RTN1: variants seen among roughly 807,000 people sequenced by gnomAD.
The protein encoded by RTN1 is reticulon 1, also known as reticulon-1.
In RTN1, 25 loss-of-function variants were observed where a neutral mutation model predicts 65.5. The observed-to-expected ratio is 0.38, with a 90% CI of 0.28 to 0.53. The LOEUF (loss-of-function observed/expected upper bound fraction) is 0.53. Among genes scored for constraint, RTN1 ranks in the 20% least tolerant of loss-of-function variants. The pLI is 0.79. For missense variants in RTN1, 983 were observed against 1,025.4 expected, an observed-to-expected ratio of 0.96 and a Z score of 0.57; for synonymous variants, 471 against 447.6, an observed-to-expected ratio of 1.05 and a Z score of -0.66.
At chr14:59,713,538 G>A (rs1212013338) in intron 3 of RTN1, among the ~76,000 whole-genome samples, 1 of 152,156 alleles carries the variant, frequency 6.6e-6, no homozygotes, top group Non-Finnish European at 1.5e-5. Context: ...AACACTTACT[G>A]CTGAGAATGG....
At chr14:59,756,330 T>C (rs933587173) in intron 1 of RTN1, among the ~76,000 whole-genome samples, 1 of 152,190 alleles carries the variant, frequency 6.6e-6, no homozygotes, top group Admixed American at 6.5e-5. Context: ...TTTACTTAGA[T>C]CTTAAGAAAA....
chr14:59,795,940 A>T (rs1398909672), intron 1 of RTN1, among the ~76,000 whole-genome samples: 1 of 152,154 alleles, frequency 6.6e-6, no homozygotes, highest in Non-Finnish European at 1.5e-5. Flanking sequence ...AATAATCTAC[A>T]TTATCCAAAA....
At chr14:59,616,576 T>C (rs369141794) in intron 3 of RTN1, among the ~76,000 whole-genome samples, 4 of 152,182 alleles carry the variant, frequency 2.6e-5, no homozygotes, top group Admixed American at 1.3e-4. Context: ...GAAACTTCTA[T>C]AATGTTGATA....
chr14:59,675,252 C>T (rs1883599721), intron 3 of RTN1, among the ~76,000 whole-genome samples: 1 of 151,898 alleles, frequency 6.6e-6, no homozygotes, highest in African/African-American at 2.4e-5. Flanking sequence ...CTAAGTCACA[C>T]AAATCATGTG....
intron 3 of RTN1, among the ~76,000 whole-genome samples, chr14:59,688,652 C>T (rs988387359): frequency 2.0e-5 from 3 of 152,156 alleles, no homozygotes; most frequent in Non-Finnish European, 2.9e-5. Flanking sequence ...TTGAACTGCA[C>T]AGCCCAAGAT....
At chr14:59,848,690 G>A (rs775836090) in intron 1 of RTN1, among the ~76,000 whole-genome samples, 11 of 152,064 alleles carry the variant, frequency 7.2e-5, no homozygotes, top group Non-Finnish European at 1.5e-4. Context: ...TCCCAATATG[G>A]TATTAAGACT....
chr14:59,812,292 T>G (rs1206225245), intron 1 of RTN1, among the ~76,000 whole-genome samples: 1 of 152,134 alleles, frequency 6.6e-6, no homozygotes, highest in African/African-American at 2.4e-5. Flanking sequence ...ATTCAAAAAC[T>G]TCATAAGTGA....
chr14:59,641,756 C>G (rs1945890728), intron 3 of RTN1, among the ~76,000 whole-genome samples: 1 of 152,204 alleles, frequency 6.6e-6, no homozygotes, highest in Non-Finnish European at 1.5e-5. Flanking sequence ...AGCAAGTTTA[C>G]AAATTCTTGT....
intron 1 of RTN1, among the ~76,000 whole-genome samples, chr14:59,769,587 A>G (rs1885915224): frequency 6.6e-6 from 1 of 152,238 alleles, no homozygotes; most frequent in Non-Finnish European, 1.5e-5. Flanking sequence ...AGAAAACTGA[A>G]ATAGTCTTAT....
At chr14:59,744,177 G>A (rs1204848777) in intron 2 of RTN1, among the ~76,000 whole-genome samples, 1 of 152,066 alleles carries the variant, frequency 6.6e-6, no homozygotes, top group East Asian at 1.9e-4. Context: ...ATACCATCAG[G>A]GTTTAGAGCA....
At chr14:59,800,332 T>C (rs919828924) in intron 1 of RTN1, among the ~76,000 whole-genome samples, 11 of 152,332 alleles carry the variant, frequency 7.2e-5, no homozygotes, top group African/African-American at 2.6e-4. Context: ...TCTTTCTCTA[T>C]TATTTTTTGA....
At chr14:59,750,035 A>ATATATATTATATAT (rs1885413378) in intron 1 of RTN1, among the ~76,000 whole-genome samples, 4 of 32,882 alleles carry the variant, frequency 1.2e-4, no homozygotes, top group African/African-American at 1.0e-3. Context: ...TATTATATAC[A>ATATATATTATATAT]TATATTATAT....
intron 1 of RTN1, among the ~76,000 whole-genome samples, chr14:59,810,912 C>A (rs191177102): frequency 2.0e-5 from 3 of 152,252 alleles, no homozygotes; most frequent in Admixed American, 2.0e-4. Flanking sequence ...ATCCTAGAGA[C>A]CCTTTATTAC....
chr14:59,777,831 AAAAC>A (rs1365778343), intron 1 of RTN1, among the ~76,000 whole-genome samples: 3 of 137,930 alleles, frequency 2.2e-5, no homozygotes, highest in Non-Finnish European at 4.6e-5. Context: ...ACAAAAAAAA[AAAAC>A]AAAACAACAA....
In RTN1 at chr14:59,846,156, G is replaced by C. The variant is rs959556559; in HGVS notation, c.241+24234C>G. On this transcript the variant is annotated intron_variant, in intron 1 of 8. Transcript: ENST00000267484. This position sits in a 1 kb window ranked among gnomAD's most constrained non-coding sequence, Gnocchi z 4.8. ...TGAAGACAAGGTCAACAATGTTACAGAATGAGGATGATGCAAGAAGAGAAC... is the reference window on the plus strand; with the variant it reads ...TGAAGACAAGGTCAACAATGTTACACAATGAGGATGATGCAAGAAGAGAAC... 2.6e-5 allele frequency among the ~76,000 whole-genome samples: 4 copies of C among 152,180 alleles called. No homozygotes were observed. Among genetic ancestry groups the C allele is most frequent in the African/African-American group, 9.7e-5 (4 of 41,440 alleles).
chr14:59,847,201 G>T (rs1286307719), intron 1 of RTN1, among the ~76,000 whole-genome samples: 1 of 152,010 alleles, frequency 6.6e-6, no homozygotes, highest in African/African-American at 2.4e-5. Context: ...AAATATCATT[G>T]TTTCTTTATC....
At chr14:59,860,300 C>A (rs1887685249) in intron 1 of RTN1, among the ~76,000 whole-genome samples, 1 of 152,234 alleles carries the variant, frequency 6.6e-6, no homozygotes, top group Non-Finnish European at 1.5e-5. Context: ...TCAGAGGGTG[C>A]AAACCCCAAG....
intron 2 of RTN1, among the ~76,000 whole-genome samples, chr14:59,739,131 T>C (rs1885062999): frequency 6.6e-6 from 1 of 151,574 alleles, no homozygotes. Flanking sequence ...AACCTGCACA[T>C]CCTGCACATG....
intron 3 of RTN1, among the ~76,000 whole-genome samples, chr14:59,697,733 G>C (rs952287626): frequency 8.3e-4 from 127 of 152,134 alleles, no homozygotes; most frequent in African/African-American, 2.8e-3. Flanking sequence ...AAAGACTTAT[G>C]GGTATTAGAT....
Sources: allele counts gnomAD v4.1 joint callset (sites outside exome capture counted in the v4.1 genomes callset), GRCh38; gene constraint gnomAD v4.1.1; non-coding constraint Gnocchi (gnomAD v3.1); transcripts MANE v1.5; gene names NCBI Gene and HGNC (gene_info 2026-07-23, HGNC 2026-07-21).